The following FADS3 variants were observed in gnomAD, a reference collection of about 807,000 sequenced individuals.
FADS3 encodes fatty acid desaturase 3.
A neutral mutation model predicts 60.4 loss-of-function variants in FADS3; 30 were observed. That is an observed-to-expected ratio of 0.50 (90% CI 0.37 to 0.67). FADS3 has a LOEUF of 0.67. Ranked by LOEUF, FADS3 falls within the 30% of genes least tolerant of loss-of-function variation. FADS3 has a pLI of 0.00. For missense variants in FADS3, 432 were observed against 598.3 expected, an observed-to-expected ratio of 0.72 and a Z score of 2.90; for synonymous variants, 234 against 249.3, an observed-to-expected ratio of 0.94 and a Z score of 0.58.
intron 1 of FADS3, among the ~76,000 whole-genome samples, chr11:61,887,060 G>C (rs1486552550): frequency 1.3e-5 from 2 of 152,262 alleles, no homozygotes; most frequent in African/African-American, 2.4e-5. Context: ...CATGAATAGA[G>C]CTTTGTTGCC....
chr11:61,873,796 C>A lies in FADS3; in HGVS notation c.*18G>T, dbSNP rs753191197. The A allele has an allele frequency of 2.5e-6, 4 of 1,606,904 alleles. No homozygotes were observed. The South Asian group carries it at 4.5e-5, about 18-fold the overall frequency. On this transcript the variant is annotated 3_prime_UTR_variant, in exon 12 of 12. Coordinates refer to ENST00000278829, the MANE Select transcript of FADS3 (RefSeq NM_021727.5). ...TGCTGGTGCCCTGAGCCCTTCTCTG[C>A]CCGCCTGGGTGTTGCCTTCACTGAT...
chr11:61,884,545 AGGTG>A (rs973445626), intron 1 of FADS3, among the ~76,000 whole-genome samples: 14 of 152,320 alleles, frequency 9.2e-5, no homozygotes, highest in Admixed American at 9.1e-4. Flanking sequence ...CAGTTCTCCT[AGGTG>A]GTGTGCGGGG....
At position 61,878,545 on chromosome 11, in the gene FADS3, C is replaced by T. The variant is rs764505559; in HGVS notation, c.714G>A (p.Ala238=). 6.2e-6 allele frequency: 10 copies of T among 1,613,994 alleles called. No individual in the cohort carries two copies. Among genetic ancestry groups the T allele is most frequent in the South Asian group, 3.3e-5 (3 of 91,084 alleles). Residue 238 remains alanine (A), a synonymous_variant, in exon 5 of 12, where the codon GCG becomes GCA. Coordinates refer to ENST00000278829, the MANE Select transcript of FADS3 (RefSeq NM_021727.5). The part of the protein sequence containing the change: ...IFHKDPDVTV[A]PVFLLGESSV... Reference sequence around the variant, plus strand: ...ATGACTCCCCCAGGAGGAAGACGGGCGCCACCGTCACGTCTGGGTCTTTGT... The same window carrying T: ...ATGACTCCCCCAGGAGGAAGACGGGTGCCACCGTCACGTCTGGGTCTTTGT...
At chr11:61,874,816 C>A (rs777577847) in intron 11 of FADS3, among the ~76,000 whole-genome samples, 35 of 152,068 alleles carry the variant, frequency 2.3e-4, no homozygotes, top group Non-Finnish European at 4.4e-4. Context: ...TGCCTGGCCG[C>A]CCCCCTCCCC....
chr11:61,876,416 C>G lies in FADS3; in HGVS notation c.1023G>C (p.Met341Ile), dbSNP rs759427396. ...ESHWFVWITQ[M>I]NHIPKEIGHE... Reference sequence around the variant, plus strand: ...GGCCGATCTCCTTGGGGATGTGGTTCATCTGTGTGATCCACACGAACCAGT... The same window carrying G: ...GGCCGATCTCCTTGGGGATGTGGTTGATCTGTGTGATCCACACGAACCAGT... Residue 341 changes from methionine (M) to isoleucine (I), a missense_variant, in exon 9 of 12, where the codon ATG (methionine) becomes ATC (isoleucine). Met to Ile is a conservative substitution (Grantham distance 10). This residue lies in a region of FADS3 where 48 missense variants were observed against 101.3 expected (regional missense o/e 0.47). Coordinates refer to ENST00000278829, the MANE Select transcript of FADS3 (RefSeq NM_021727.5). This position sits in a 1 kb window ranked among gnomAD's most constrained non-coding sequence, Gnocchi z 5.7. 1 of 1,613,428 alleles carries G rather than the reference C, an allele frequency of 6.2e-7. No homozygotes were observed. The highest frequency in any genetic ancestry group is 1.7e-5 in the Admixed American group (1 of 60,020).
chr11:61,876,008 A>T lies in FADS3; in HGVS notation c.1161-32T>A. ...GTGGGGAGCGTATGCTGGCACCTGA[A>T]GTGGGAGATTCCAGAGAGAGGCCCC... On this transcript the variant is annotated intron_variant, in intron 10 of 11. Transcript: ENST00000278829. The surrounding 1 kb of genome is among the most constrained non-coding windows in gnomAD (Gnocchi z 5.7). 1 of 1,613,126 alleles carries T rather than the reference A, an allele frequency of 6.2e-7. No individual in the cohort carries two copies. The highest frequency in any genetic ancestry group is 1.7e-5 in the Admixed American group (1 of 60,030).
intron 1 of FADS3, among the ~76,000 whole-genome samples, chr11:61,886,650 A>G (rs185179885): frequency 6.1e-4 from 93 of 151,790 alleles, no homozygotes; most frequent in African/African-American, 2.2e-3. Context: ...CAAAGGCCCT[A>G]CCCTTCAAGG....
intron 1 of FADS3, among the ~76,000 whole-genome samples, chr11:61,888,826 G>A (rs1317922991): frequency 6.6e-6 from 1 of 152,186 alleles, no homozygotes; most frequent in Non-Finnish European, 1.5e-5. Context: ...GGAGTGACAT[G>A]CCTGCTTCAA....
At chr11:61,878,480 G>A in intron 5 of FADS3, 32 bp downstream of exon 5, 1 of 1,607,544 alleles carries the variant, frequency 6.2e-7, no homozygotes, top group Non-Finnish European at 8.5e-7. Flanking sequence ...TGCAGGCCCA[G>A]CCAGAGGTTG....
intron 1 of FADS3, among the ~76,000 whole-genome samples, chr11:61,883,155 A>G (rs1938194559): frequency 6.6e-6 from 1 of 152,142 alleles, no homozygotes; most frequent in Non-Finnish European, 1.5e-5. Context: ...CCAGCTCCAG[A>G]ACCTTTTCAC....
chr11:61,888,973 G>A (rs769764984), intron 1 of FADS3, among the ~76,000 whole-genome samples: 3 of 152,132 alleles, frequency 2.0e-5, no homozygotes, highest in Admixed American at 1.3e-4. Context: ...TCGGCTCACC[G>A]GAACCTCCGT....
chr11:61,886,499 G>C (rs914612024), intron 1 of FADS3, among the ~76,000 whole-genome samples: 1 of 152,138 alleles, frequency 6.6e-6, no homozygotes, highest in Non-Finnish European at 1.5e-5. Context: ...GACTTTCAAG[G>C]CAGTCAATGT....
rs141938231 is a variant in FADS3, at chr11:61,889,516, G to A, written c.213+1653C>T. Among the ~76,000 whole-genome samples the A allele has an allele frequency of 4.5e-3, 682 of 152,120 alleles. 9 individuals carry two copies. Among genetic ancestry groups the A allele is most frequent in the African/African-American group, 0.016 (644 of 41,532 alleles). ...AATACAATATGCTGGGCGTGGTGGC[G>A]CGTGCCCGTAATCCCAGCTACTCGG... On this transcript the variant is annotated intron_variant, in intron 1 of 11. Coordinates refer to ENST00000278829, the MANE Select transcript of FADS3 (RefSeq NM_021727.5).
Position 61,878,794 on chromosome 11 carries a change from C to T in FADS3, c.576G>A (p.Lys192=). The change falls in exon 4 of 12, where the codon AAG becomes AAA. Residue 192 remains lysine (K), a synonymous_variant. Coordinates refer to ENST00000278829, the MANE Select transcript of FADS3 (RefSeq NM_021727.5). ...TCTGGGCCACGTGGTTCCACCAGGACTTCTTGAAGATGGAGGCATGGCCCA... is the reference window on the plus strand; with the variant it reads ...TCTGGGCCACGTGGTTCCACCAGGATTTCTTGAAGATGGAGGCATGGCCCA... ...HDLGHASIFK[K]SWWNHVAQKF... is the part of the protein sequence containing the mutation. 2 of 1,614,222 alleles carry T rather than the reference C, an allele frequency of 1.2e-6. No individual in the cohort carries two copies. The highest frequency in any genetic ancestry group is 1.7e-6 in the Non-Finnish European group (2 of 1,180,038).
intron 1 of FADS3, among the ~76,000 whole-genome samples, chr11:61,883,363 T>G (rs1039101579): frequency 2.0e-5 from 3 of 152,222 alleles, no homozygotes; most frequent in Admixed American, 6.5e-5. Context: ...CCATCCATGT[T>G]GCAGCACGTG....
In FADS3 at chr11:61,879,361, G is replaced by C; in HGVS notation, c.473C>G (p.Pro158Arg). 6.4e-7 allele frequency: 1 copy of C among 1,563,306 alleles called. No homozygotes were observed. The highest frequency in any genetic ancestry group is 8.7e-7 in the Non-Finnish European group (1 of 1,153,718). Residue 158 changes from proline (P) to arginine (R), a missense_variant, in exon 3 of 12, where the codon CCT (proline) becomes CGT (arginine). Around this residue, in one of 5 missense-constraint regions of FADS3, gnomAD observed 116 missense variants for 208.9 expected, o/e 0.56. Coordinates refer to ENST00000278829, the MANE Select transcript of FADS3 (RefSeq NM_021727.5). ...LAWLLIYLLG[P>R]GWVPSALAAF... ...GGCCAGGGCACTGGGCACCCAGCCA[G>C]GACCCAGGAGGTAGATAAGGAGCCA...
At chr11:61,887,207 C>A (rs929127557) in intron 1 of FADS3, among the ~76,000 whole-genome samples, 36 of 152,252 alleles carry the variant, frequency 2.4e-4, no homozygotes, top group Admixed American at 2.3e-3. Context: ...TAGAGCGAGG[C>A]CAGGCTGGCT....
At chr11:61,878,084 G>C (rs770997733) in intron 6 of FADS3, 71 bp downstream of exon 6, 128 of 1,426,146 alleles carry the variant, frequency 9.0e-5, no homozygotes, top group Non-Finnish European at 1.2e-4. Flanking sequence ...GCTGGGAGTG[G>C]TCCAGGACAG....
chr11:61,883,760 C>T (rs181770245), intron 1 of FADS3, among the ~76,000 whole-genome samples: 1 of 152,328 alleles, frequency 6.6e-6, no homozygotes, highest in Admixed American at 6.5e-5. Context: ...GGTCCTGATT[C>T]ACCCAGGCCA....
Sources: gnomAD v4.1 joint callset for allele counts (sites outside exome capture counted in the v4.1 genomes callset) on GRCh38, gnomAD v4.1.1 for gene constraint, gnomAD v4.1.1 regional missense constraint, Gnocchi (gnomAD v3.1) non-coding constraint, MANE v1.5 for transcripts, NCBI Gene and HGNC (gene_info 2026-07-23, HGNC 2026-07-21) for gene names.